Variants in EFCAB5 observed in about 807,000 individuals in gnomAD.
EFCAB5 encodes the protein EF-hand calcium binding domain 5, also known as EF-hand calcium-binding domain-containing protein 5.
In EFCAB5, 131 loss-of-function variants were observed where a neutral mutation model predicts 167.9. The observed-to-expected ratio is 0.78, with a 90% CI of 0.68 to 0.90. The LOEUF (loss-of-function observed/expected upper bound fraction) is 0.90, where lower values mean the gene tolerates loss of function less well. Ranked by LOEUF, EFCAB5 falls within the 40% of genes least tolerant of loss-of-function variation. EFCAB5 has a pLI of 0.00. For synonymous variants in EFCAB5, 574 were observed against 602.8 expected (o/e 0.95, Z 0.70); for missense variants, 1,663 against 1,745.2 (o/e 0.95, Z 0.84).
chr17:30,055,864 A>G (rs1214848980), intron 10 of EFCAB5, 24 bp from the exon 11 acceptor site: 2 of 1,606,614 alleles, frequency 1.2e-6, no homozygotes, highest in Admixed American at 1.7e-5. Flanking sequence ...CTAATTCATA[A>G]GCATTTTCAT....
intron 7 of EFCAB5, among the ~76,000 whole-genome samples, chr17:30,027,410 A>G (rs944956765): frequency 3.3e-5 from 5 of 150,124 alleles, no homozygotes; most frequent in African/African-American, 1.2e-4. Context: ...ACCACAGAAT[A>G]TGAACTCTCT....
chr17:29,947,815 C>T (rs1037343654), intron 3 of EFCAB5, among the ~76,000 whole-genome samples: 7 of 152,034 alleles, frequency 4.6e-5, no homozygotes, highest in Admixed American at 2.0e-4. Flanking sequence ...TATAAATTAA[C>T]TCATTCATTT....
chr17:30,030,012 G>A (rs1451344798), intron 7 of EFCAB5, among the ~76,000 whole-genome samples: 1 of 152,172 alleles, frequency 6.6e-6, no homozygotes, highest in African/African-American at 2.4e-5. Flanking sequence ...ACATCTCACA[G>A]AGATATTAAC....
rs753783726 is a variant in EFCAB5 at position 30,080,060 on chromosome 17, G to A, written c.3028-12G>A. On this transcript the variant is annotated splice_polypyrimidine_tract_variant and intron_variant, in intron 15 of 22. Transcript: ENST00000394835. Reference sequence around the variant, plus strand: ...TGTTGGCAAACACATGGTCGGAAACGTTTTGCTGTAGGATGCTGAAGCCCA... The same window carrying A: ...TGTTGGCAAACACATGGTCGGAAACATTTTGCTGTAGGATGCTGAAGCCCA... The A allele has an allele frequency of 3.3e-5, 52 of 1,597,148 alleles. No individual in the cohort carries two copies. In the East Asian group the frequency reaches 3.4e-4, roughly 10 times the overall value.
intron 7 of EFCAB5, among the ~76,000 whole-genome samples, chr17:30,017,047 C>T (rs556868854): frequency 4.6e-5 from 7 of 151,974 alleles, no homozygotes; most frequent in South Asian, 2.1e-4. Context: ...CACAATGGCA[C>T]GCACCTTTAG....
chr17:29,931,600 A>T (rs1485790694), intron 1 of EFCAB5, among the ~76,000 whole-genome samples: 2 of 152,136 alleles, frequency 1.3e-5, no homozygotes, highest in Non-Finnish European at 2.9e-5. Context: ...CACAGATTAA[A>T]CAATCTGACT....
chr17:30,058,375 C>G (rs1339469593), intron 13 of EFCAB5, among the ~76,000 whole-genome samples: 1 of 152,182 alleles, frequency 6.6e-6, no homozygotes, highest in Non-Finnish European at 1.5e-5. Context: ...TTTATTCTCT[C>G]ATATGAAATA....
chr17:29,961,043 C>T (rs951482125), intron 3 of EFCAB5, among the ~76,000 whole-genome samples: 2 of 152,082 alleles, frequency 1.3e-5, no homozygotes, highest in African/African-American at 4.8e-5. Context: ...ACAATAGCTG[C>T]ATCACTTTGC....
chr17:30,094,195 G>A (rs1047596669), intron 22 of EFCAB5, among the ~76,000 whole-genome samples: 4 of 152,024 alleles, frequency 2.6e-5, no homozygotes, highest in South Asian at 2.1e-4. Context: ...TAGGGCTTCC[G>A]CTGCCAACTC....
Position 30,090,679 on chromosome 17 carries a change from C to G in EFCAB5, c.3937+5C>G. 1 of 1,607,178 alleles carries G rather than the reference C, an allele frequency of 6.2e-7. No homozygotes were observed. The highest frequency in any genetic ancestry group is 8.5e-7 in the Non-Finnish European group (1 of 1,177,394). On this transcript the variant is annotated splice_donor_5th_base_variant and intron_variant, in intron 20 of 22. Transcript: ENST00000394835. ...TAAAGAAAAAATATATCTTAGGTATCGTTCATGTGGCATCAGTCTAAATTC... is the reference window on the plus strand; with the variant it reads ...TAAAGAAAAAATATATCTTAGGTATGGTTCATGTGGCATCAGTCTAAATTC...
chr17:30,032,163 C>T (rs1295016865), intron 7 of EFCAB5, among the ~76,000 whole-genome samples: 1 of 152,092 alleles, frequency 6.6e-6, no homozygotes, highest in African/African-American at 2.4e-5. Flanking sequence ...TTACAAGAAC[C>T]AGAAACCAAC....
At chr17:29,979,064 A>G (rs2068118309) in intron 4 of EFCAB5, among the ~76,000 whole-genome samples, 1 of 152,112 alleles carries the variant, frequency 6.6e-6, no homozygotes, top group South Asian at 2.1e-4. Flanking sequence ...AGAAATAGGA[A>G]ATCCTGGCTG....
At chr17:29,938,617 T>C (rs778527102), upstream of EFCAB5, among the ~76,000 whole-genome samples, 1 of 152,258 alleles carries the variant, frequency 6.6e-6, no homozygotes, top group South Asian at 2.1e-4. Context: ...GTTTATGTAG[T>C]ATTCTAAATC....
At chr17:29,983,869 T>G (rs2068226903) in intron 4 of EFCAB5, among the ~76,000 whole-genome samples, 1 of 152,144 alleles carries the variant, frequency 6.6e-6, no homozygotes, top group African/African-American at 2.4e-5. Flanking sequence ...GGAAATGATG[T>G]CTGAGGTGAG....
intron 8 of EFCAB5, among the ~76,000 whole-genome samples, chr17:30,049,758 A>T (rs1193408473): frequency 6.6e-6 from 1 of 152,236 alleles, no homozygotes; most frequent in African/African-American, 2.4e-5. Flanking sequence ...CTGTCATTCA[A>T]TGCTGGCAAG....
At chr17:29,967,131 T>C (rs2067845655) in intron 3 of EFCAB5, among the ~76,000 whole-genome samples, 1 of 152,242 alleles carries the variant, frequency 6.6e-6, no homozygotes, top group South Asian at 2.1e-4. Context: ...TATTTAATGG[T>C]ATTTCCTTGG....
intron 4 of EFCAB5, chr17:29,972,625 G>T: frequency 6.5e-6 from 1 of 154,900 alleles, no homozygotes; most frequent in South Asian, 1.9e-4. Context: ...AGTGGACCCT[G>T]GTCTCATTGG....
At chr17:30,053,132 T>C in intron 9 of EFCAB5, 123 bp from the exon 10 acceptor site, 1 of 1,115,970 alleles carries the variant, frequency 9.0e-7, no homozygotes, top group Admixed American at 2.6e-5. Flanking sequence ...CTGATATTTA[T>C]TTAGAGCAAT....
At chr17:29,991,402 C>T (rs888620207) in intron 4 of EFCAB5, among the ~76,000 whole-genome samples, 8 of 152,206 alleles carry the variant, frequency 5.3e-5, no homozygotes, top group Non-Finnish European at 8.8e-5. Context: ...GTTTTACCCA[C>T]ATATTTATTG....
Sources: allele counts gnomAD v4.1 joint callset (sites outside exome capture counted in the v4.1 genomes callset), GRCh38; gene constraint gnomAD v4.1.1; transcripts MANE v1.5; gene names NCBI Gene and HGNC (gene_info 2026-07-23, HGNC 2026-07-21).